The following DAB1 variants were observed in gnomAD, a reference collection of about 807,000 sequenced individuals.
DAB1 encodes disabled homolog 1.
DAB1 carries 15 observed loss-of-function variants against 64.6 expected under a neutral mutation model. The observed-to-expected ratio is 0.23, with a 90% CI of 0.16 to 0.36. The LOEUF (loss-of-function observed/expected upper bound fraction) is 0.36, where lower values mean the gene tolerates loss of function less well. Among genes scored for constraint, DAB1 ranks in the 10% least tolerant of loss-of-function variants. The pLI is 1.00. For missense variants in DAB1, 596 were observed against 706.7 expected, an observed-to-expected ratio of 0.84 and a Z score of 1.78; for synonymous variants, 235 against 251.9, an observed-to-expected ratio of 0.93 and a Z score of 0.64.
chr1:57,374,637 C>A (rs1680754848), intron 1 of DAB1, among the ~76,000 whole-genome samples: 1 of 152,138 alleles, frequency 6.6e-6, no homozygotes, highest in South Asian at 2.1e-4. Flanking sequence ...CATCTCCTGC[C>A]CTTCCTGGTC....
chr1:58,493,503 T>C (rs987532266), intron 3 of DAB1, among the ~76,000 whole-genome samples: 3 of 151,636 alleles, frequency 2.0e-5, no homozygotes, highest in African/African-American at 7.3e-5. Flanking sequence ...GACATGATTG[T>C]ATATCTAGAA....
At chr1:57,234,003 TA>T (rs1381185281) in intron 2 of DAB1, among the ~76,000 whole-genome samples, 1 of 152,198 alleles carries the variant, frequency 6.6e-6, no homozygotes, top group Non-Finnish European at 1.5e-5. Flanking sequence ...ACTCCAAGGT[TA>T]ATGGTGTTGT....
chr1:57,074,901 C>T (rs890052877), intron 4 of DAB1, among the ~76,000 whole-genome samples: 1 of 152,108 alleles, frequency 6.6e-6, no homozygotes, highest in African/African-American at 2.4e-5. Flanking sequence ...GAAAATTGCT[C>T]AAACAGTGGT....
upstream of DAB1, among the ~76,000 whole-genome samples, chr1:57,426,063 T>C (rs1021563730): frequency 6.6e-6 from 1 of 152,210 alleles, no homozygotes; most frequent in Admixed American, 6.5e-5. Flanking sequence ...GTCTAAATTC[T>C]CATTGACTGC....
At chr1:57,244,938 C>T (rs1352185705) in intron 2 of DAB1, among the ~76,000 whole-genome samples, 1 of 152,112 alleles carries the variant, frequency 6.6e-6, no homozygotes, top group Non-Finnish European at 1.5e-5. Flanking sequence ...GGGGACGGTA[C>T]TGGTAGGAGG....
intron 2 of DAB1, among the ~76,000 whole-genome samples, chr1:57,277,925 C>T (rs193172261): frequency 1.3e-5 from 2 of 152,278 alleles, no homozygotes; most frequent in African/African-American, 2.4e-5. Context: ...GCAAGTTCTC[C>T]CTACAGCAGT....
chr1:58,486,245 C>T (rs1011211558), intron 3 of DAB1, among the ~76,000 whole-genome samples: 2 of 152,212 alleles, frequency 1.3e-5, no homozygotes, highest in African/African-American at 4.8e-5. Flanking sequence ...GTACATCCAA[C>T]ATCTAGGAGA....
intron 7 of DAB1, among the ~76,000 whole-genome samples, chr1:57,445,111 G>T (rs1360709213): frequency 6.6e-6 from 1 of 152,062 alleles, no homozygotes; most frequent in Non-Finnish European, 1.5e-5. Flanking sequence ...ATTTAAAAAT[G>T]TTATGGGTAT....
chr1:58,044,109 TTTCA>T (rs1218418277), intron 5 of DAB1, among the ~76,000 whole-genome samples: 1 of 152,210 alleles, frequency 6.6e-6, no homozygotes, highest in Admixed American at 6.5e-5. Context: ...TTTGAAAAAT[TTTCA>T]GGAAACAACA....
chr1:57,238,415 T>C (rs1476968809), intron 2 of DAB1, among the ~76,000 whole-genome samples: 1 of 152,226 alleles, frequency 6.6e-6, no homozygotes, highest in African/African-American at 2.4e-5. Context: ...TATGAGGTCA[T>C]CCATACAAAG....
chr1:58,151,811 T>C (rs1654954410), intron 4 of DAB1, among the ~76,000 whole-genome samples: 1 of 152,186 alleles, frequency 6.6e-6, no homozygotes, highest in South Asian at 2.1e-4. Context: ...GAAAGACAAG[T>C]AAATACACAT....
At chr1:58,472,598 G>A (rs1380379699) in intron 3 of DAB1, among the ~76,000 whole-genome samples, 2 of 152,122 alleles carry the variant, frequency 1.3e-5, no homozygotes, top group Admixed American at 6.5e-5. Flanking sequence ...GGGGCTGTGG[G>A]GAGGGGGCCT....
intron 4 of DAB1, among the ~76,000 whole-genome samples, chr1:58,274,835 G>C (rs1236146256): frequency 1.3e-5 from 2 of 152,014 alleles, no homozygotes; most frequent in Non-Finnish European, 1.5e-5. Flanking sequence ...GCGCTTCCCA[G>C]GTGAGGCAAT....
intron 2 of DAB1, among the ~76,000 whole-genome samples, chr1:57,199,035 C>T (rs1664879174): frequency 6.6e-6 from 1 of 152,118 alleles, no homozygotes; most frequent in Admixed American, 6.5e-5. Context: ...AAAGAAAAAA[C>T]CTCTGGGAAC....
rs115131759 is a variant in DAB1, at chr1:57,235,932, C to T, written c.67+55032G>A. Among the ~76,000 whole-genome samples, 867 of 152,294 alleles carry T rather than the reference C, an allele frequency of 5.7e-3. 9 individuals are homozygous for T. The highest frequency in any genetic ancestry group is 0.02 in the African/African-American group (834 of 41,550). On this transcript the variant is annotated intron_variant, in intron 2 of 14. Coordinates refer to ENST00000371236, the MANE Select transcript of DAB1 (RefSeq NM_001365792.1). ...CATACACAGAGCCTGTCAGCAATAT[C>T]GGTTGAAATTGAAAGCAGCAGTCTC...
At chr1:57,053,093 G>C (rs1649351384) in intron 9 of DAB1, among the ~76,000 whole-genome samples, 1 of 152,210 alleles carries the variant, frequency 6.6e-6, no homozygotes, top group South Asian at 2.1e-4. Context: ...TGAGATGTCA[G>C]TAGCGGATGG....
chr1:57,136,655 G>A lies in DAB1; in HGVS notation c.208-14C>T. 6.7e-7 allele frequency: 1 copy of A among 1,499,422 alleles called. No individual in the cohort carries two copies. Among genetic ancestry groups the A allele is most frequent in the South Asian group, 1.3e-5 (1 of 75,750 alleles). The allele number at this position is 1,499,422 out of a possible 1,614,324, so 92.9% of individuals were successfully genotyped here. A position where few individuals can be genotyped will look rare whatever the true frequency, so the allele number is the denominator to read the frequency against. The stretch of plus-strand genomic sequence containing the variant: ...AGCAACAACGCCCTGTTGAAAGGAA[G>A]AACATGGTTTTTACTTAAGTGTTTT... On this transcript the variant is annotated splice_polypyrimidine_tract_variant and intron_variant, in intron 3 of 14. Transcript: ENST00000371236.
At chr1:57,223,191 T>A (rs942322402) in intron 2 of DAB1, among the ~76,000 whole-genome samples, 13 of 152,200 alleles carry the variant, frequency 8.5e-5, no homozygotes, top group African/African-American at 3.1e-4. Flanking sequence ...AGATGTATGA[T>A]CAATGTGGTC....
Position 57,709,187 on chromosome 1 carries a change from T to C in DAB1, n.552-59522A>G, listed in dbSNP as rs886721264. The stretch of plus-strand genomic sequence containing the variant: ...TAAAGTCTTTTTAAATATTCTTTAC[T>C]TCCTTATTTCTCTTTGTGAACTCCA... On this transcript the variant is annotated intron_variant and non_coding_transcript_variant, in intron 6 of 20. Transcript: ENST00000485760. Among the ~76,000 whole-genome samples, 4 of 152,326 alleles carry C rather than the reference T, an allele frequency of 2.6e-5. No homozygotes were observed. The East Asian group carries it at 7.7e-4, about 29-fold the overall frequency.
Sources: gnomAD v4.1 joint callset for allele counts (sites outside exome capture counted in the v4.1 genomes callset) on GRCh38, gnomAD v4.1.1 for gene constraint, MANE v1.5 for transcripts, NCBI Gene and HGNC (gene_info 2026-07-23, HGNC 2026-07-21) for gene names.